The following MS4A6E variants were observed in gnomAD, a reference collection of about 807,000 sequenced individuals.
MS4A6E encodes membrane-spanning 4-domains subfamily A member 6E.
A neutral mutation model predicts 13.2 loss-of-function variants in MS4A6E; 8 were observed. The observed-to-expected ratio is 0.60, with a 90% confidence interval of 0.35 to 1.09. MS4A6E has a LOEUF of 1.09. MS4A6E is among the 50% of genes least tolerant of loss of function. The probability of loss-of-function intolerance (pLI) is 0.02; values close to 1 mark genes in which losing one functional copy is unlikely to be tolerated. For synonymous variants in MS4A6E, 72 were observed against 67.6 expected, an observed-to-expected ratio of 1.06 and a Z score of -0.32; for missense variants, 177 against 171.1, an observed-to-expected ratio of 1.03 and a Z score of -0.19.
downstream of MS4A6E, among the ~76,000 whole-genome samples, chr11:60,343,429 C>A (rs2085241294): frequency 6.6e-6 from 1 of 152,116 alleles, no homozygotes; most frequent in East Asian, 1.9e-4. Flanking sequence ...ATTTTCCAAC[C>A]GGAATTCCAT....
rs187396859 is a variant in MS4A6E at position 60,328,960 on chromosome 11, G to A, written c.-15+1552G>A. On this transcript the variant is annotated intron_variant, in intron 1 of 4. Transcript: ENST00000684409. ...TCTTGCCACACATAGAAATACAAACGAGTGACTATTTGAAATAATAGATAT... is the reference window on the plus strand; with the variant it reads ...TCTTGCCACACATAGAAATACAAACAAGTGACTATTTGAAATAATAGATAT... 8.6e-4 allele frequency among the ~76,000 whole-genome samples: 131 copies of A among 152,232 alleles called. 1 individual carries two copies. Among genetic ancestry groups the A allele is most frequent in the African/African-American group, 2.9e-3 (119 of 41,552 alleles).
downstream of MS4A6E, among the ~76,000 whole-genome samples, chr11:60,343,484 G>A (rs965945657): frequency 2.0e-5 from 3 of 152,112 alleles, no homozygotes; most frequent in Admixed American, 6.5e-5. Context: ...ATAGTAGAGC[G>A]CATGTATCAA....
intron 2 of MS4A6E, chr11:60,335,734 G>A (rs1024811410): frequency 3.6e-5 from 13 of 357,484 alleles, no homozygotes; most frequent in Non-Finnish European, 6.5e-5. Flanking sequence ...TTTCTATGAG[G>A]CTCAGGTGAC....
intron 1 of MS4A6E, among the ~76,000 whole-genome samples, chr11:60,332,890 T>G (rs2868120): frequency 0.36 from 54,278 of 151,986 alleles, 10,172 homozygotes; most frequent in East Asian, 0.41. Flanking sequence ...CATGCCCGCA[T>G]AAATCAGTCA....
At chr11:60,334,290 C>A (rs2085174981) in intron 1 of MS4A6E, among the ~76,000 whole-genome samples, 1 of 152,134 alleles carries the variant, frequency 6.6e-6, no homozygotes, top group Admixed American at 6.5e-5. Context: ...TGGGAAATTA[C>A]ACACACAAGC....
intron 1 of MS4A6E, among the ~76,000 whole-genome samples, chr11:60,332,034 G>T (rs2085159497): frequency 6.6e-6 from 1 of 152,152 alleles, no homozygotes; most frequent in Non-Finnish European, 1.5e-5. Context: ...CTAGATTATG[G>T]TATTTTTGTT....
chr11:60,335,211 G>C (rs2135059048), intron 2 of MS4A6E, among the ~76,000 whole-genome samples, 169 bp downstream of exon 2: 2 of 152,298 alleles, frequency 1.3e-5, no homozygotes, highest in Non-Finnish European at 2.9e-5. Flanking sequence ...TTCCACAGGA[G>C]ATTGTCTTAG....
At chr11:60,346,908 T>G (rs1285185766) in intron 4 of MS4A6E, among the ~76,000 whole-genome samples, 1 of 152,204 alleles carries the variant, frequency 6.6e-6, no homozygotes, top group African/African-American at 2.4e-5. Flanking sequence ...CATCCCTCCA[T>G]GCGAGGTCAA....
chr11:60,328,587 T>A (rs926150649), intron 1 of MS4A6E, among the ~76,000 whole-genome samples: 7 of 151,758 alleles, frequency 4.6e-5, no homozygotes, highest in African/African-American at 1.7e-4. Flanking sequence ...AAAAAGGAGA[T>A]CTTGCCATTT....
At chr11:60,333,455 T>C (rs140304035) in intron 1 of MS4A6E, among the ~76,000 whole-genome samples, 36 of 152,270 alleles carry the variant, frequency 2.4e-4, no homozygotes, top group African/African-American at 8.7e-4. Context: ...TAGAAAGATA[T>C]ATCAAAAGAG....
At chr11:60,335,530 A>G (rs141875424) in intron 2 of MS4A6E, 304 of 455,150 alleles carry the variant, frequency 6.7e-4, no homozygotes, top group African/African-American at 5.2e-3. Context: ...TCTCATCCAG[A>G]GTTTATTAAA....
intron 1 of MS4A6E, among the ~76,000 whole-genome samples, chr11:60,328,029 CAAAAAAAAAA>C (rs3042505): frequency 4.9e-5 from 4 of 82,080 alleles, no homozygotes; most frequent in Non-Finnish European, 9.0e-5. Context: ...GACTCCATCT[CAAAAAAAAAA>C]AAAAAAAAAA....
At chr11:60,339,307 A>AAAACATCC (rs2085208855) in intron 3 of MS4A6E, among the ~76,000 whole-genome samples, 3 of 152,228 alleles carry the variant, frequency 2.0e-5, no homozygotes, top group African/African-American at 7.2e-5. Flanking sequence ...ACAAAAATAA[A>AAAACATCC]AAACATCCAA....
intron 2 of MS4A6E, 119 bp from the exon 3 acceptor site, chr11:60,337,622 C>A (rs1484835163): frequency 1.6e-6 from 2 of 1,227,908 alleles, no homozygotes; most frequent in African/African-American, 1.5e-5. Context: ...AAGAAATGAT[C>A]CCTCCGGGAC....
intron 2 of MS4A6E, 116 bp downstream of exon 2, chr11:60,335,158 A>G (rs10792268): frequency 0.32 from 454,344 of 1,414,406 alleles, 76,206 homozygotes; most frequent in Admixed American, 0.36. Flanking sequence ...TGCTGGAGGG[A>G]CTTTGGGGTA....
rs867144074 is a variant in MS4A6E at position 60,339,736 on chromosome 11, T to C, written c.355-130T>C. Reference sequence around the variant, plus strand: ...CAATTGTGAGGAGGAGCAGTTTTGTTTTCCTGATTGTTTCCTTACTTCATT... The same window carrying C: ...CAATTGTGAGGAGGAGCAGTTTTGTCTTCCTGATTGTTTCCTTACTTCATT... On this transcript the variant is annotated intron_variant, in intron 3 of 4. Transcript: ENST00000684409. 100 of 774,608 alleles carry C rather than the reference T, an allele frequency of 1.3e-4. No individual in the cohort carries two copies. The Middle Eastern group carries it at 4.3e-3, about 33-fold the overall frequency. The allele number at this position is 774,608 out of a possible 1,614,324, so 48.0% of individuals were successfully genotyped here.
chr11:60,343,571 T>A (rs1355005946), downstream of MS4A6E, among the ~76,000 whole-genome samples: 1 of 152,140 alleles, frequency 6.6e-6, no homozygotes, highest in Non-Finnish European at 1.5e-5. Context: ...CTCCTTGGGG[T>A]TCTATGAAGT....
intron 2 of MS4A6E, among the ~76,000 whole-genome samples, chr11:60,337,220 C>T (rs1184131487): frequency 6.6e-5 from 10 of 152,136 alleles, no homozygotes; most frequent in Non-Finnish European, 1.3e-4. Context: ...GCAATAGGCA[C>T]GCAAAAGTGA....
chr11:60,347,105 T>C (rs2085259692), intron 4 of MS4A6E, among the ~76,000 whole-genome samples: 1 of 151,998 alleles, frequency 6.6e-6, no homozygotes, highest in African/African-American at 2.4e-5. Context: ...GTTTTAGAGA[T>C]AGTGCAGCTG....
Sources: gnomAD v4.1 joint callset for allele counts (sites outside exome capture counted in the v4.1 genomes callset) on GRCh38, gnomAD v4.1.1 for gene constraint, MANE v1.5 for transcripts, NCBI Gene and HGNC (gene_info 2026-07-23, HGNC 2026-07-21) for gene names.